LAMA4: variants seen among roughly 807,000 people sequenced by gnomAD.
LAMA4 encodes laminin subunit alpha 4, also known as laminin subunit alpha-4.
Under a neutral mutation model 207.1 loss-of-function variants are expected in LAMA4, and 127 were observed. That is an observed-to-expected ratio of 0.61 (90% CI 0.53 to 0.71). The LOEUF is 0.71. Among genes scored for constraint, LAMA4 ranks in the 30% least tolerant of loss-of-function variants. LAMA4 has a pLI of 0.00. For synonymous variants in LAMA4, 761 were observed against 816.0 expected (o/e 0.93, Z 1.15); for missense variants, 2,093 against 2,246.5 (o/e 0.93, Z 1.38).
rs782010849 is a variant in LAMA4 at position 112,191,782 on chromosome 6, C to T, written c.572G>A (p.Gly191Glu). 3.6e-5 allele frequency: 58 copies of T among 1,614,040 alleles called. 1 individual carries two copies. In the East Asian group the frequency reaches 1.3e-3, roughly 36 times the overall value. Reference protein sequence around the residue: ...GSTCKKCDCSGNSDPNLIFED... With the variant: ...GSTCKKCDCSENSDPNLIFED... Reference sequence around the variant, plus strand: ...AAAGATCAGGTTGGGATCTGAATTTCCACTGCAGTCACATTTCTTACAGGT... The same window carrying T: ...AAAGATCAGGTTGGGATCTGAATTTTCACTGCAGTCACATTTCTTACAGGT... The change falls in exon 6 of 39, where the codon GGA (glycine) becomes GAA (glutamate). Residue 191 changes from glycine (G) to glutamate (E), a missense_variant. This residue lies in a region of LAMA4 where 1,704 missense variants were observed against 1,788.4 expected (regional missense o/e 0.95). Transcript: ENST00000230538.
At chr6:112,154,750 T>C (rs1192719868) in intron 16 of LAMA4, 101 bp downstream of exon 16, 2 of 802,026 alleles carry the variant, frequency 2.5e-6, no homozygotes, top group South Asian at 1.4e-5. Context: ...GTAGTTATAA[T>C]ACTATTCTTT....
At chr6:112,130,344 CAG>C (rs1314232945) in intron 29 of LAMA4, among the ~76,000 whole-genome samples, 7 of 136,522 alleles carry the variant, frequency 5.1e-5, no homozygotes, top group Non-Finnish European at 9.5e-5. Context: ...GTGTATAAAA[CAG>C]AGCATACCTT....
At chr6:112,196,411 T>C (rs4947174) in intron 5 of LAMA4, 91,126 of 151,960 alleles carry the variant, frequency 0.6, 29,106 homozygotes, top group African/African-American at 0.83. Flanking sequence ...TTTTTTAGCT[T>C]CCTCATATGT....
intron 14 of LAMA4, among the ~76,000 whole-genome samples, chr6:112,156,547 C>G (rs750764614): frequency 6.6e-6 from 1 of 152,134 alleles, no homozygotes; most frequent in Non-Finnish European, 1.5e-5. Flanking sequence ...AAACTCTAAC[C>G]TCCACTTCCG....
In LAMA4 at chr6:112,253,809, T is replaced by G. The variant is rs781988338; in HGVS notation, c.195+147A>C. On this transcript the variant is annotated intron_variant, in intron 2 of 38. Transcript: ENST00000230538. ...CAACTTACAAAGGAAAACTCTTTAT[T>G]TCAAGTTTCCGAACTGACCTAGCCC... 5 of 1,614,100 alleles carry G rather than the reference T, an allele frequency of 3.1e-6. No homozygotes were observed. In the Admixed American group the frequency reaches 8.3e-5, roughly 27 times the overall value.
chr6:112,238,711 T>C (rs1221207868), intron 2 of LAMA4, among the ~76,000 whole-genome samples: 1 of 151,804 alleles, frequency 6.6e-6, no homozygotes, highest in East Asian at 1.9e-4. Context: ...TGTCTACAAA[T>C]AAATAAATAA....
chr6:112,239,156 ATGAAAAATACAAAAATTAGC>A (rs1402268287), intron 2 of LAMA4, among the ~76,000 whole-genome samples: 1 of 152,042 alleles, frequency 6.6e-6, no homozygotes, highest in African/African-American at 2.4e-5. Flanking sequence ...CCCTGTTTCT[ATGAAAAATACAAAAATTAGC>A]TGGGTGTGGT....
intron 31 of LAMA4, among the ~76,000 whole-genome samples, chr6:112,126,684 C>T (rs1554327782): frequency 3.9e-5 from 6 of 152,178 alleles, no homozygotes; most frequent in Non-Finnish European, 1.5e-5. Context: ...GGAGACACTT[C>T]CCTCTTGCTG....
intron 9 of LAMA4, among the ~76,000 whole-genome samples, chr6:112,184,634 A>G (rs923794294): frequency 2.6e-5 from 4 of 151,912 alleles, no homozygotes; most frequent in Non-Finnish European, 4.4e-5. Flanking sequence ...GAAATTCTTT[A>G]TGTTGTATTT....
chr6:112,164,728 T>C (rs1781284883), intron 13 of LAMA4, among the ~76,000 whole-genome samples: 1 of 152,238 alleles, frequency 6.6e-6, no homozygotes, highest in Admixed American at 6.5e-5. Context: ...CTTTTATTGA[T>C]TTTGAATGCC....
At chr6:112,190,927 CTTTCTTTCTTTCTTT>C (rs1783028673) in intron 6 of LAMA4, among the ~76,000 whole-genome samples, 1 of 92,650 alleles carries the variant, frequency 1.1e-5, no homozygotes, top group South Asian at 4.8e-4. Context: ...TTCTTTCTTT[CTTTCTTTCTTTCTTT>C]CTTTCCTTTC....
At chr6:112,224,301 T>TATATCCC (rs1477997116) in intron 2 of LAMA4, among the ~76,000 whole-genome samples, 1 of 151,960 alleles carries the variant, frequency 6.6e-6, no homozygotes, top group African/African-American at 2.4e-5. Context: ...CTTTTATACA[T>TATATCCC]ATATCCCTCC....
intron 12 of LAMA4, among the ~76,000 whole-genome samples, chr6:112,171,055 C>T (rs1349841938): frequency 2.6e-5 from 4 of 152,148 alleles, no homozygotes; most frequent in Admixed American, 6.5e-5. Context: ...AGAGCATAGG[C>T]TGTCCACAGG....
intron 37 of LAMA4, 26 bp downstream of exon 37, chr6:112,114,637 C>G: frequency 6.7e-7 from 1 of 1,485,300 alleles, no homozygotes; most frequent in Non-Finnish European, 9.4e-7. Flanking sequence ...GGTGTGCAGG[C>G]TCCCCAGGGC....
chr6:112,165,331 T>C (rs937044155), intron 12 of LAMA4, 55 bp from the exon 13 acceptor site: 59 of 1,161,868 alleles, frequency 5.1e-5, no homozygotes, highest in Non-Finnish European at 7.0e-5. Context: ...AGGGAAAGCG[T>C]TGGGGAGAGC....
At chr6:112,241,569 C>T (rs1554187766) in intron 2 of LAMA4, among the ~76,000 whole-genome samples, 1 of 152,100 alleles carries the variant, frequency 6.6e-6, no homozygotes, top group Admixed American at 6.5e-5. Context: ...CTATCTGGCT[C>T]ATTTTTGTCA....
chr6:112,193,773 A>G (rs1554349777), intron 5 of LAMA4, among the ~76,000 whole-genome samples: 1 of 152,098 alleles, frequency 6.6e-6, no homozygotes, highest in African/African-American at 2.4e-5. Flanking sequence ...AAACCTTCTG[A>G]CCCTGGAGTT....
In LAMA4 at chr6:112,154,811, C is replaced by A. The variant is rs2277085; in HGVS notation, c.2056+40G>T. On this transcript the variant is annotated intron_variant, in intron 16 of 38. Coordinates refer to ENST00000230538, the MANE Select transcript of LAMA4 (RefSeq NM_001105206.3). ...TACGTGTATGAAAGGAGGGAAGCAG[C>A]TATAAATTAGAAAGGAGATAGGAAA... is the stretch of plus-strand genomic sequence containing the variant. The A allele has an allele frequency of 6.7e-3, 8,204 of 1,217,238 alleles. 234 individuals carry two copies. In the East Asian group the frequency reaches 0.082, roughly 12 times the overall value. The allele number at this position is 1,217,238 out of a possible 1,614,324, so 75.4% of individuals were successfully genotyped here.
intron 2 of LAMA4, among the ~76,000 whole-genome samples, chr6:112,233,014 T>C (rs1785661450): frequency 6.6e-6 from 1 of 152,194 alleles, no homozygotes; most frequent in Non-Finnish European, 1.5e-5. Context: ...ATTTCTTAGC[T>C]AGACCTTCTC....
Sources: allele counts gnomAD v4.1 joint callset (sites outside exome capture counted in the v4.1 genomes callset), GRCh38; gene constraint gnomAD v4.1.1; regional missense constraint gnomAD v4.1.1; transcripts MANE v1.5; gene names NCBI Gene and HGNC (gene_info 2026-07-23, HGNC 2026-07-21).